The following ANGPT2 variants were observed in gnomAD, a reference collection of about 807,000 sequenced individuals.
The protein encoded by ANGPT2 is angiopoietin-2.
Under a neutral mutation model 62.9 loss-of-function variants are expected in ANGPT2, and 28 were observed. The observed-to-expected ratio is 0.44, with a 90% confidence interval of 0.33 to 0.61. The LOEUF is 0.61. Ranked by LOEUF, ANGPT2 falls within the 20% of genes least tolerant of loss-of-function variation. ANGPT2 has a pLI of 0.03. For synonymous variants in ANGPT2, 284 were observed against 207.8 expected, an observed-to-expected ratio of 1.37 and a Z score of -3.15; for missense variants, 727 against 594.9, an observed-to-expected ratio of 1.22 and a Z score of -2.31.
chr8:6,546,217 C>T (rs1170321334), intron 1 of ANGPT2, among the ~76,000 whole-genome samples: 5 of 152,220 alleles, frequency 3.3e-5, no homozygotes, highest in African/African-American at 1.2e-4. Flanking sequence ...TGGGTCCTTG[C>T]AGCAAACAAA....
chr8:6,533,405 T>TTA lies in ANGPT2; in HGVS notation c.289-920_289-919dup, dbSNP rs1199490963. Among the ~76,000 whole-genome samples, 4 of 152,206 alleles carry TTA rather than the reference T, an allele frequency of 2.6e-5. No homozygotes were observed. In the East Asian group the frequency reaches 7.7e-4, roughly 29 times the overall value. On this transcript the variant is annotated intron_variant, in intron 1 of 8. Transcript: ENST00000629816. Reference sequence around the variant, plus strand: ...GAGCCAGGGAAGCCTGCCCTCTGCTTTATAGTCTTGGTTCTAGGAAAGTTG... The same window carrying TTA: ...GAGCCAGGGAAGCCTGCCCTCTGCTTTATATAGTCTTGGTTCTAGGAAAGTTG...
rs1172413962 is a variant in ANGPT2, at chr8:6,499,939, A to T, written c.*3162T>A. Reference sequence around the variant, plus strand: ...CTTCCCTGCAGCTCCCGTAAGTCAGATGTTGTTTTACGATGGTAAATGCAG... The same window carrying T: ...CTTCCCTGCAGCTCCCGTAAGTCAGTTGTTGTTTTACGATGGTAAATGCAG... On this transcript the variant is annotated 3_prime_UTR_variant, in exon 9 of 9. Coordinates refer to ENST00000629816, the MANE Select transcript of ANGPT2 (RefSeq NM_001118887.2). The T allele has an allele frequency of 1.2e-6, 2 of 1,610,684 alleles. No individual in the cohort carries two copies. The highest frequency in any genetic ancestry group is 1.7e-6 in the Non-Finnish European group (2 of 1,177,286).
chr8:6,553,516 A>T (rs911371512), intron 1 of ANGPT2, among the ~76,000 whole-genome samples: 7 of 152,164 alleles, frequency 4.6e-5, no homozygotes, highest in African/African-American at 1.7e-4. Flanking sequence ...ATTTTCTTGA[A>T]TCTGATCATG....
intron 2 of ANGPT2, among the ~76,000 whole-genome samples, chr8:6,529,453 CTTTT>C (rs200029751): frequency 1.5e-5 from 2 of 136,024 alleles, no homozygotes; most frequent in Non-Finnish European, 1.6e-5. Context: ...AGCCATTTTT[CTTTT>C]TTTTTTTTTT....
At chr8:6,550,549 C>T (rs1334736430) in intron 1 of ANGPT2, among the ~76,000 whole-genome samples, 2 of 152,188 alleles carry the variant, frequency 1.3e-5, no homozygotes, top group African/African-American at 2.4e-5. Context: ...CACATTTGTT[C>T]CCACTCGGGG....
intron 3 of ANGPT2, among the ~76,000 whole-genome samples, chr8:6,522,714 C>A (rs112406452): frequency 0.074 from 11,180 of 150,914 alleles, 493 homozygotes; most frequent in African/African-American, 0.12. Context: ...GTGGAGGTTG[C>A]AGTGAGCTGA....
At chr8:6,529,822 C>T (rs1413194222) in intron 2 of ANGPT2, among the ~76,000 whole-genome samples, 1 of 151,396 alleles carries the variant, frequency 6.6e-6, no homozygotes, top group East Asian at 1.9e-4. Context: ...GCTTACTTTC[C>T]ATCTGTTTTC....
At chr8:6,508,579 G>C (rs1814269523) in intron 8 of ANGPT2, 1 of 428,478 alleles carries the variant, frequency 2.3e-6, no homozygotes, top group East Asian at 3.9e-5. Context: ...GTTGCTACTT[G>C]GAATTTTTAA....
intron 3 of ANGPT2, among the ~76,000 whole-genome samples, chr8:6,524,649 C>T (rs1278971237): frequency 2.0e-5 from 3 of 152,150 alleles, no homozygotes; most frequent in Admixed American, 6.5e-5. Flanking sequence ...GAAATGAAAG[C>T]ATCATGAACC....
chr8:6,519,694 T>TAGAGCCCTTGGCAAGCACTC (rs1351189659), intron 5 of ANGPT2, among the ~76,000 whole-genome samples, 170 bp downstream of exon 5: 5 of 152,230 alleles, frequency 3.3e-5, no homozygotes, highest in Non-Finnish European at 7.3e-5. Flanking sequence ...CAGCGGCACT[T>TAGAGCCCTTGGCAAGCACTC]AGAGCCCTTG....
chr8:6,531,182 G>A (rs761479522), intron 2 of ANGPT2, among the ~76,000 whole-genome samples: 5 of 151,542 alleles, frequency 3.3e-5, no homozygotes, highest in African/African-American at 4.8e-5. Flanking sequence ...CACCCAGGCC[G>A]TTCGCTGGGT....
At chr8:6,545,354 C>CA (rs1429731752) in intron 1 of ANGPT2, among the ~76,000 whole-genome samples, 2 of 152,112 alleles carry the variant, frequency 1.3e-5, no homozygotes, top group Non-Finnish European at 2.9e-5. Flanking sequence ...TTTTATATCT[C>CA]AAAAATTCTT....
At chr8:6,545,600 C>T (rs1822443990) in intron 1 of ANGPT2, among the ~76,000 whole-genome samples, 1 of 152,210 alleles carries the variant, frequency 6.6e-6, no homozygotes, top group Admixed American at 6.5e-5. Context: ...CGTAATCTGA[C>T]ATTCCAAAAC....
intron 1 of ANGPT2, among the ~76,000 whole-genome samples, chr8:6,534,524 C>T (rs376721830): frequency 2.6e-5 from 4 of 152,072 alleles, no homozygotes; most frequent in Non-Finnish European, 5.9e-5. Flanking sequence ...CCGCCTCAGC[C>T]CCCCAAAGTG....
At chr8:6,542,865 G>C (rs1054757621) in intron 1 of ANGPT2, among the ~76,000 whole-genome samples, 2 of 152,132 alleles carry the variant, frequency 1.3e-5, no homozygotes, top group African/African-American at 4.8e-5. Context: ...CTAGAAAAGG[G>C]AAAAGGCTAG....
At chr8:6,512,282 C>T (rs930868595) in intron 7 of ANGPT2, among the ~76,000 whole-genome samples, 2 of 152,168 alleles carry the variant, frequency 1.3e-5, no homozygotes, top group African/African-American at 4.8e-5. Flanking sequence ...CATTTAGCCG[C>T]TTCTCCGTGC....
chr8:6,563,037 A>G lies in ANGPT2; in HGVS notation c.-103T>C, dbSNP rs781254981. The stretch of plus-strand genomic sequence containing the variant: ...TAAAACGCAGGGCTGCTACGCTGCC[A>G]TGGCTGGGTCCGTCAATGAAAGTCT... On this transcript the variant is annotated 5_prime_UTR_variant, in exon 1 of 9. The change abolishes an upstream ATG in the 5' untranslated region. Coordinates refer to ENST00000629816, the MANE Select transcript of ANGPT2 (RefSeq NM_001118887.2). 3.0e-5 allele frequency: 39 copies of G among 1,303,280 alleles called. No homozygotes were observed. Among genetic ancestry groups the G allele is most frequent in the Non-Finnish European group, 3.1e-5 (30 of 960,868 alleles). 80.7% of individuals were successfully genotyped at this position (1,303,280 alleles called of 1,614,324 possible).
chr8:6,508,688 G>C (rs532624065), intron 8 of ANGPT2: 2 of 603,102 alleles, frequency 3.3e-6, no homozygotes, highest in Non-Finnish European at 5.8e-6. Context: ...CCCTCTCCTT[G>C]CCAGGGCTAG....
At chr8:6,538,638 C>T (rs1489314851) in intron 1 of ANGPT2, among the ~76,000 whole-genome samples, 3 of 152,206 alleles carry the variant, frequency 2.0e-5, no homozygotes, top group East Asian at 1.9e-4. Flanking sequence ...CCTCAGGTCC[C>T]ACCATCCCCC....
Sources: gnomAD v4.1 joint callset for allele counts (sites outside exome capture counted in the v4.1 genomes callset) on GRCh38, gnomAD v4.1.1 for gene constraint, MANE v1.5 for transcripts, NCBI Gene and HGNC (gene_info 2026-07-23, HGNC 2026-07-21) for gene names.